The following NPRL3 variants were observed in gnomAD, a reference collection of about 807,000 sequenced individuals.
NPRL3 encodes the protein NPR3 like, GATOR1 complex subunit, also known as GATOR1 complex protein NPRL3.
NPRL3 carries 23 observed loss-of-function variants against 57.2 expected under a neutral mutation model. The observed-to-expected ratio is 0.40, with a 90% CI of 0.29 to 0.57. The LOEUF (loss-of-function observed/expected upper bound fraction) is 0.57, where lower values mean the gene tolerates loss of function less well. Ranked by LOEUF, NPRL3 falls within the 20% of genes least tolerant of loss-of-function variation. The pLI is 0.42. For synonymous variants in NPRL3, 333 were observed against 321.1 expected (o/e 1.04, Z -0.39); for missense variants, 691 against 767.1 (o/e 0.90, Z 1.17).
chr16:128,067 C>T (rs1173584395), intron 3 of NPRL3, among the ~76,000 whole-genome samples: 1 of 151,546 alleles, frequency 6.6e-6, no homozygotes, highest in South Asian at 2.1e-4. Flanking sequence ...TCTCAGCTCA[C>T]TGCAACCTCC....
chr16:136,243 A>T (rs537181345), intron 2 of NPRL3, among the ~76,000 whole-genome samples: 1 of 152,250 alleles, frequency 6.6e-6, no homozygotes, highest in Non-Finnish European at 1.5e-5. Flanking sequence ...ACAAATCACA[A>T]TATGTTCATC....
chr16:116,787 A>ACCCCCCCCCCCCCC (rs71391112), intron 5 of NPRL3, among the ~76,000 whole-genome samples: 6 of 85,934 alleles, frequency 7.0e-5, no homozygotes, highest in African/African-American at 9.0e-5. Context: ...ACATGGCGAG[A>ACCCCCCCCCCCCCC]CCCCCCCCCC....
intron 3 of NPRL3, among the ~76,000 whole-genome samples, chr16:126,646 T>C (rs1198305611): frequency 6.6e-6 from 1 of 152,000 alleles, no homozygotes; most frequent in Non-Finnish European, 1.5e-5. Flanking sequence ...CCAGGCTATC[T>C]CTCAGACCTG....
chr16:132,650 G>C (rs1295769916), intron 2 of NPRL3, among the ~76,000 whole-genome samples: 1 of 151,472 alleles, frequency 6.6e-6, no homozygotes, highest in African/African-American at 2.4e-5. Context: ...GGCAGCTATA[G>C]CCTTACAAAT....
intron 5 of NPRL3, among the ~76,000 whole-genome samples, chr16:115,556 G>A (rs532301957): frequency 1.3e-5 from 2 of 149,774 alleles, no homozygotes; most frequent in Non-Finnish European, 3.0e-5. Context: ...TGCGATCTCT[G>A]CTCACTGCAA....
At chr16:134,397 G>C (rs998629204) in intron 2 of NPRL3, among the ~76,000 whole-genome samples, 1 of 152,090 alleles carries the variant, frequency 6.6e-6, no homozygotes, top group African/African-American at 2.4e-5. Context: ...AATCTAAGAA[G>C]AGTGCAAAAG....
chr16:123,218 G>C (rs963216392), intron 3 of NPRL3, among the ~76,000 whole-genome samples: 1 of 152,200 alleles, frequency 6.6e-6, no homozygotes. Context: ...CCTACCTGGA[G>C]GAAGAGGAGG....
Position 111,175 on chromosome 16 carries a change from G to A in NPRL3, c.548-569C>T, listed in dbSNP as rs530482796. Among the ~76,000 whole-genome samples, 237 of 152,076 alleles carry A rather than the reference G, an allele frequency of 1.6e-3. 2 individuals are homozygous for A. Among genetic ancestry groups the A allele is most frequent in the Non-Finnish European group, 1.2e-3 (80 of 68,002 alleles). ...AGCACTTTGGGAGGCCGAGGCAGGC[G>A]GATCACAAGGTCAGGAGATCAAGAC... On this transcript the variant is annotated intron_variant, in intron 6 of 13. Coordinates refer to ENST00000611875, the MANE Select transcript of NPRL3 (RefSeq NM_001077350.3).
chr16:128,754 C>T (rs994772662), intron 3 of NPRL3, among the ~76,000 whole-genome samples: 1 of 151,492 alleles, frequency 6.6e-6, no homozygotes, highest in Admixed American at 6.6e-5. Flanking sequence ...GGTGACAGAG[C>T]GAGACTCCGT....
intron 8 of NPRL3, among the ~76,000 whole-genome samples, chr16:99,959 CA>C (rs11304941): frequency 0.064 from 3,888 of 60,954 alleles, 136 homozygotes; most frequent in African/African-American, 0.18. Context: ...CACACCCCCG[CA>C]AAAAAAAAAA....
chr16:132,713 A>T (rs958416842), intron 2 of NPRL3, among the ~76,000 whole-genome samples: 1 of 135,142 alleles, frequency 7.4e-6, no homozygotes, highest in African/African-American at 2.8e-5. Context: ...TCTGTCGCCC[A>T]GGCTGGAGTG....
chr16:105,664 T>C (rs1296978563), intron 7 of NPRL3, among the ~76,000 whole-genome samples: 1 of 151,404 alleles, frequency 6.6e-6, no homozygotes, highest in East Asian at 2.0e-4. Context: ...AGCAAATCAC[T>C]TCTTCACACT....
chr16:98,025 G>T, intron 9 of NPRL3, 120 bp downstream of exon 9: 1 of 1,258,568 alleles, frequency 7.9e-7, no homozygotes, highest in Non-Finnish European at 1.1e-6. Context: ...ACCCCATGGT[G>T]GGCTGTGCCG....
intron 13 of NPRL3, among the ~76,000 whole-genome samples, chr16:87,318 C>T (rs1299880376): frequency 6.6e-6 from 1 of 152,178 alleles, no homozygotes; most frequent in East Asian, 1.9e-4. Context: ...TGCAACCTCC[C>T]GCCTCCCAGA....
chr16:134,620 C>T (rs1195178753), intron 2 of NPRL3, among the ~76,000 whole-genome samples: 3 of 149,366 alleles, frequency 2.0e-5, no homozygotes, highest in East Asian at 1.9e-4. Flanking sequence ...GCCAGGATAA[C>T]GCTGAAAAAG....
At chr16:134,269 T>C (rs1900948993) in intron 2 of NPRL3, among the ~76,000 whole-genome samples, 1 of 151,910 alleles carries the variant, frequency 6.6e-6, no homozygotes, top group Non-Finnish European at 1.5e-5. Flanking sequence ...GGATGACAAT[T>C]AGGTTGGAAA....
At chr16:116,831 T>C (rs1009081456) in intron 5 of NPRL3, among the ~76,000 whole-genome samples, 2 of 128,448 alleles carry the variant, frequency 1.6e-5, no homozygotes, top group Admixed American at 9.1e-5. Context: ...AAAAATTAGC[T>C]GGGCGTGGTG....
chr16:104,521 C>A (rs964593235), intron 7 of NPRL3, among the ~76,000 whole-genome samples: 1 of 152,128 alleles, frequency 6.6e-6, no homozygotes, highest in Admixed American at 6.6e-5. Flanking sequence ...CTGCCCTCAC[C>A]GTGTCAGCTG....
intron 7 of NPRL3, 125 bp from the exon 8 acceptor site, chr16:100,634 G>C (rs1422175130): frequency 6.6e-6 from 6 of 914,072 alleles, no homozygotes; most frequent in Non-Finnish European, 7.4e-6. Flanking sequence ...GTGGAGACCC[G>C]GGCAGGAGAG....
Sources: allele counts gnomAD v4.1 joint callset (sites outside exome capture counted in the v4.1 genomes callset), GRCh38; gene constraint gnomAD v4.1.1; transcripts MANE v1.5; gene names NCBI Gene and HGNC (gene_info 2026-07-23, HGNC 2026-07-21).